PCDH9: variants seen among roughly 807,000 people sequenced by gnomAD.
PCDH9 encodes protocadherin-9.
PCDH9 carries 24 observed loss-of-function variants against 70.6 expected under a neutral mutation model. The observed-to-expected ratio is 0.34, with a 90% CI of 0.25 to 0.48. PCDH9 has a LOEUF of 0.48. Ranked by LOEUF, PCDH9 falls within the 20% of genes least tolerant of loss-of-function variation. The pLI is 0.99. For synonymous variants in PCDH9, 562 were observed against 558.5 expected, an observed-to-expected ratio of 1.01 and a Z score of -0.09; for missense variants, 1,281 against 1,503.6, an observed-to-expected ratio of 0.85 and a Z score of 2.45.
At chr13:66,976,079 A>G (rs928660595) in intron 2 of PCDH9, among the ~76,000 whole-genome samples, 3 of 152,058 alleles carry the variant, frequency 2.0e-5, no homozygotes, top group African/African-American at 7.2e-5. Context: ...TAGGGCATGT[A>G]CAAAGTAAGA....
chr13:66,630,948 C>T (rs1288746043), intron 4 of PCDH9, among the ~76,000 whole-genome samples: 1 of 152,032 alleles, frequency 6.6e-6, no homozygotes, highest in African/African-American at 2.4e-5. Context: ...TATCTTGCAA[C>T]AAATGGCTTC....
At chr13:66,709,665 C>A (rs911861340) in intron 3 of PCDH9, among the ~76,000 whole-genome samples, 2 of 152,068 alleles carry the variant, frequency 1.3e-5, no homozygotes, top group African/African-American at 2.4e-5. Flanking sequence ...AAGAAAATAG[C>A]CTTTGAACAA....
chr13:66,563,766 G>A (rs543737202), intron 4 of PCDH9, among the ~76,000 whole-genome samples: 24 of 152,026 alleles, frequency 1.6e-4, no homozygotes, highest in Middle Eastern at 3.4e-3. Context: ...CTGTTTTTTC[G>A]TTTTGGCTTA....
At chr13:66,973,799 T>C (rs1045470826) in intron 2 of PCDH9, among the ~76,000 whole-genome samples, 3 of 152,030 alleles carry the variant, frequency 2.0e-5, no homozygotes, top group African/African-American at 4.8e-5. Flanking sequence ...AAAGGTATAA[T>C]GTGTCTGACC....
intron 4 of PCDH9, among the ~76,000 whole-genome samples, chr13:66,568,416 TAC>T (rs60849369): frequency 6.7e-6 from 1 of 149,074 alleles, no homozygotes; most frequent in Non-Finnish European, 1.5e-5. Flanking sequence ...CACAGACACA[TAC>T]ACACACGCAC....
At chr13:66,936,455 T>C (rs1359368330) in intron 2 of PCDH9, among the ~76,000 whole-genome samples, 1 of 152,208 alleles carries the variant, frequency 6.6e-6, no homozygotes, top group Non-Finnish European at 1.5e-5. Context: ...GGCATATTTC[T>C]TCCATTGCTG....
intron 3 of PCDH9, among the ~76,000 whole-genome samples, chr13:66,695,831 AG>A (rs1317208951): frequency 6.6e-6 from 1 of 152,188 alleles, no homozygotes; most frequent in Non-Finnish European, 1.5e-5. Flanking sequence ...TTTAATTATA[AG>A]GGGATTAGGT....
intron 2 of PCDH9, among the ~76,000 whole-genome samples, chr13:67,182,945 A>G (rs1265923160): frequency 6.6e-6 from 1 of 152,134 alleles, no homozygotes; most frequent in Non-Finnish European, 1.5e-5. Context: ...ATCTCCTGAA[A>G]AAGGAAAATG....
intron 2 of PCDH9, chr13:67,219,136 G>A (rs2089670915): frequency 6.6e-6 from 1 of 151,886 alleles, no homozygotes; most frequent in South Asian, 2.1e-4. Context: ...GATTAAATAT[G>A]GGTTGTTTTT....
At chr13:66,558,923 G>A (rs75134885) in intron 4 of PCDH9, among the ~76,000 whole-genome samples, 3,319 of 152,174 alleles carry the variant, frequency 0.022, 65 homozygotes, top group South Asian at 0.064. Flanking sequence ...GGAAGAATTC[G>A]TCAATGAAGT....
At chr13:66,531,504 A>G (rs1227132707) in intron 4 of PCDH9, among the ~76,000 whole-genome samples, 14 of 151,740 alleles carry the variant, frequency 9.2e-5, no homozygotes, top group South Asian at 6.3e-4. Flanking sequence ...TCAAGAAACA[A>G]TTTTCTTGTT....
chr13:66,577,511 T>C (rs1445111323), intron 4 of PCDH9, among the ~76,000 whole-genome samples: 2 of 152,006 alleles, frequency 1.3e-5, no homozygotes, highest in Non-Finnish European at 2.9e-5. Flanking sequence ...AGAAAGCTTG[T>C]TATGCTCTGA....
intron 3 of PCDH9, among the ~76,000 whole-genome samples, chr13:66,863,571 C>T (rs972151851): frequency 8.6e-5 from 13 of 152,040 alleles, no homozygotes; most frequent in African/African-American, 2.9e-4. Flanking sequence ...CTGCAAGTTC[C>T]GCCTCCCGGG....
intron 3 of PCDH9, among the ~76,000 whole-genome samples, chr13:66,756,045 G>A (rs1429240118): frequency 1.3e-5 from 2 of 152,008 alleles, no homozygotes; most frequent in Admixed American, 1.3e-4. Context: ...CCCACTGAAG[G>A]CCCCAAGTAA....
At chr13:66,862,374 A>T (rs1228479900) in intron 3 of PCDH9, among the ~76,000 whole-genome samples, 1 of 152,208 alleles carries the variant, frequency 6.6e-6, no homozygotes, top group Non-Finnish European at 1.5e-5. Context: ...AAAGCATGAT[A>T]TGTCTAGCAA....
chr13:66,315,394 G>GT (rs1487622155), intron 4 of PCDH9, among the ~76,000 whole-genome samples: 3 of 152,076 alleles, frequency 2.0e-5, no homozygotes, highest in Non-Finnish European at 4.4e-5. Context: ...TGTTACATCT[G>GT]TTTTTTACTC....
intron 2 of PCDH9, among the ~76,000 whole-genome samples, chr13:66,918,699 G>A (rs1017590492): frequency 2.0e-5 from 3 of 150,918 alleles, no homozygotes; most frequent in Admixed American, 6.6e-5. Context: ...TTATGATAAG[G>A]TTACTAAGTA....
chr13:67,160,145 T>C (rs1260638542), intron 2 of PCDH9, among the ~76,000 whole-genome samples: 1 of 152,202 alleles, frequency 6.6e-6, no homozygotes, highest in Admixed American at 6.5e-5. Flanking sequence ...AACTAACAAA[T>C]CATCATCTAC....
intron 4 of PCDH9, among the ~76,000 whole-genome samples, chr13:66,486,994 A>AT (rs1164433555): frequency 2.6e-5 from 4 of 152,010 alleles, no homozygotes; most frequent in Admixed American, 6.6e-5. Flanking sequence ...CATATACATA[A>AT]TTTTTTTTCA....
Sources: gnomAD v4.1 joint callset for allele counts (sites outside exome capture counted in the v4.1 genomes callset) on GRCh38, gnomAD v4.1.1 for gene constraint, MANE v1.5 for transcripts, NCBI Gene and HGNC (gene_info 2026-07-23, HGNC 2026-07-21) for gene names.